Variants in RBFOX2 observed in about 807,000 individuals in gnomAD.
RBFOX2 encodes the protein RNA binding fox-1 homolog 2, also known as RNA binding protein fox-1 homolog 2.
RBFOX2 carries 10 observed loss-of-function variants against 49.1 expected under a neutral mutation model. That is an observed-to-expected ratio of 0.20 (90% CI 0.13 to 0.35). The LOEUF is 0.35. RBFOX2 is among the 10% of genes least tolerant of loss of function. RBFOX2 has a pLI of 1.00. For missense variants in RBFOX2, 323 were observed against 486.9 expected (o/e 0.66, Z 3.17); for synonymous variants, 183 against 187.4 (o/e 0.98, Z 0.19).
chr22:35,750,697 C>T (rs1169827413), intron 9 of RBFOX2, among the ~76,000 whole-genome samples: 1 of 152,224 alleles, frequency 6.6e-6, no homozygotes, highest in Admixed American at 6.5e-5. Flanking sequence ...TCATCGCTCC[C>T]CTATTCAACC....
At chr22:36,026,115 A>C (rs9619581) in intron 1 of RBFOX2, among the ~76,000 whole-genome samples, 15,503 of 152,018 alleles carry the variant, frequency 0.1, 1,478 homozygotes, top group African/African-American at 0.25. Flanking sequence ...AAATAAGAAA[A>C]ATTAGCTGGG....
intron 4 of RBFOX2, among the ~76,000 whole-genome samples, chr22:35,770,971 G>A (rs1942507273): frequency 6.6e-6 from 1 of 152,080 alleles, no homozygotes; most frequent in Non-Finnish European, 1.5e-5. Context: ...TTTTCCCTGG[G>A]GTGATAGGAG....
At chr22:35,796,145 G>C (rs1261576175) in intron 2 of RBFOX2, among the ~76,000 whole-genome samples, 1 of 152,102 alleles carries the variant, frequency 6.6e-6, no homozygotes, top group Non-Finnish European at 1.5e-5. Flanking sequence ...GGCCTACAAA[G>C]AAAAGAATCT....
chr22:35,910,579 T>C (rs1239848245), intron 1 of RBFOX2, among the ~76,000 whole-genome samples: 1 of 152,190 alleles, frequency 6.6e-6, no homozygotes. Flanking sequence ...GGGATACCAT[T>C]GTCCATTTCT....
At chr22:35,966,219 T>A (rs2056550535), upstream of RBFOX2, among the ~76,000 whole-genome samples, 4 of 152,242 alleles carry the variant, frequency 2.6e-5, no homozygotes, top group South Asian at 8.3e-4. Context: ...CTTATAAATA[T>A]ATCATAATTT....
chr22:35,904,394 G>T (rs147586775), intron 1 of RBFOX2, among the ~76,000 whole-genome samples: 1 of 152,070 alleles, frequency 6.6e-6, no homozygotes, highest in Non-Finnish European at 1.5e-5. Context: ...ACTATGAAAC[G>T]CTTTATCCTT....
At chr22:35,831,432 CA>C (rs200978648) in intron 1 of RBFOX2, among the ~76,000 whole-genome samples, 30 of 147,162 alleles carry the variant, frequency 2.0e-4, no homozygotes, top group African/African-American at 3.2e-4. Context: ...GACTCTGTCT[CA>C]AAAAAAAAAT....
exon 12 of RBFOX2, chr22:35,743,929 TA>T (rs1347583634): frequency 3.4e-4 from 125 of 368,920 alleles, no homozygotes; most frequent in Middle Eastern, 2.1e-3. Flanking sequence ...GGAAATGCAT[TA>T]TTTTTTTTTT....
At chr22:35,947,111 G>A (rs1468086599) in intron 1 of RBFOX2, among the ~76,000 whole-genome samples, 1 of 152,074 alleles carries the variant, frequency 6.6e-6, no homozygotes, top group African/African-American at 2.4e-5. Context: ...AGAATCGCTT[G>A]AACCCAGGAA....
At chr22:35,819,740 A>G (rs980566697) in intron 1 of RBFOX2, among the ~76,000 whole-genome samples, 4 of 152,244 alleles carry the variant, frequency 2.6e-5, no homozygotes, top group Non-Finnish European at 5.9e-5. Context: ...TGGAGTTTAC[A>G]TTCTAGTAGG....
chr22:35,947,729 A>G (rs1289908987), intron 1 of RBFOX2, among the ~76,000 whole-genome samples: 1 of 151,228 alleles, frequency 6.6e-6, no homozygotes, highest in Non-Finnish European at 1.5e-5. Context: ...ACCTTATAGA[A>G]TAAGAATACA....
chr22:35,763,642 T>G, intron 6 of RBFOX2, among the ~76,000 whole-genome samples: 1 of 152,168 alleles, frequency 6.6e-6, no homozygotes, highest in East Asian at 1.9e-4. Context: ...TTTAGAAAAT[T>G]TACAATGTAT....
intron 1 of RBFOX2, among the ~76,000 whole-genome samples, chr22:35,973,432 A>G (rs1243869032): frequency 1.3e-5 from 2 of 152,252 alleles, no homozygotes; most frequent in Non-Finnish European, 2.9e-5. Flanking sequence ...TGACAACCAG[A>G]GCAGGAACAC....
Position 35,968,309 on chromosome 22 carries a change from C to G in RBFOX2, c.187-29412G>C, listed in dbSNP as rs141984675. Among the ~76,000 whole-genome samples the G allele has an allele frequency of 4.7e-4, 72 of 152,304 alleles. 1 individual carries two copies. In the East Asian group the frequency reaches 0.014, roughly 29 times the overall value. On this transcript the variant is annotated intron_variant, in intron 1 of 13. Coordinates refer to the RBFOX2 transcript ENST00000438146. ...AACAAGTTTTTAAAGTAAACAGAGT[C>G]ATCGAGTTTGCTTTATTCTCCTATT...
intron 1 of RBFOX2, among the ~76,000 whole-genome samples, chr22:35,812,950 A>G (rs528407295): frequency 6.6e-6 from 1 of 152,348 alleles, no homozygotes; most frequent in African/African-American, 2.4e-5. Flanking sequence ...ATGGGGAGAA[A>G]GGTAAAAACA....
At chr22:35,902,720 C>T (rs1385356994) in intron 1 of RBFOX2, among the ~76,000 whole-genome samples, 1 of 151,806 alleles carries the variant, frequency 6.6e-6, no homozygotes, top group Non-Finnish European at 1.5e-5. Flanking sequence ...TCATGGCTCA[C>T]TGCAGCCTTG....
chr22:36,014,464 A>C (rs1232987327), intron 1 of RBFOX2, among the ~76,000 whole-genome samples: 1 of 152,182 alleles, frequency 6.6e-6, no homozygotes, highest in African/African-American at 2.4e-5. Context: ...GGATACTAGA[A>C]TTAAATAATT....
At chr22:35,825,550 A>C (rs968265570) in intron 1 of RBFOX2, among the ~76,000 whole-genome samples, 1 of 152,192 alleles carries the variant, frequency 6.6e-6, no homozygotes, top group African/African-American at 2.4e-5. Context: ...AAAGATAAAC[A>C]TGGGTTAAAA....
chr22:35,809,306 T>C (rs1269555366), intron 2 of RBFOX2, among the ~76,000 whole-genome samples: 2 of 152,002 alleles, frequency 1.3e-5, no homozygotes, highest in Non-Finnish European at 2.9e-5. Flanking sequence ...CACAAGCAAT[T>C]TGGTGGAAGA....
Sources: allele counts gnomAD v4.1 joint callset (sites outside exome capture counted in the v4.1 genomes callset), GRCh38; gene constraint gnomAD v4.1.1; transcripts MANE v1.5; gene names NCBI Gene and HGNC (gene_info 2026-07-23, HGNC 2026-07-21).